Variants in XRN2 observed in about 807,000 individuals in gnomAD.
XRN2 encodes the protein 5'-3' exoribonuclease 2.
In XRN2, 44 loss-of-function variants were observed where a neutral mutation model predicts 138.5. That is an observed-to-expected ratio of 0.32 (90% CI 0.25 to 0.41). XRN2 has a LOEUF of 0.41. Among genes scored for constraint, XRN2 ranks in the 10% least tolerant of loss-of-function variants. XRN2 has a pLI of 1.00. For missense variants in XRN2, 937 were observed against 1,169.3 expected (o/e 0.80, Z 2.90); for synonymous variants, 354 against 369.4 (o/e 0.96, Z 0.48).
chr20:21,338,273 T>C (rs1353779817), intron 13 of XRN2, among the ~76,000 whole-genome samples: 1 of 152,098 alleles, frequency 6.6e-6, no homozygotes, highest in Non-Finnish European at 1.5e-5. Context: ...AACTTGGGCA[T>C]GGTTATGGGA....
chr20:21,344,347 G>A, intron 16 of XRN2, 139 bp downstream of exon 16: 1 of 657,884 alleles, frequency 1.5e-6, no homozygotes, highest in Non-Finnish European at 2.7e-6. Flanking sequence ...TAATGTGGAG[G>A]GTTAGAATAG....
chr20:21,363,449 A>G (rs112610576), intron 24 of XRN2, among the ~76,000 whole-genome samples: 1 of 152,104 alleles, frequency 6.6e-6, no homozygotes, highest in Admixed American at 6.5e-5. Context: ...ATACTTAACT[A>G]CCATTTTCTC....
intron 27 of XRN2, among the ~76,000 whole-genome samples, chr20:21,377,264 C>CTTTTTTCTTTTTTTTTTTT (rs1555788239): frequency 2.4e-5 from 2 of 82,782 alleles, no homozygotes; most frequent in African/African-American, 1.1e-4. Flanking sequence ...TCGGTTTTTT[C>CTTTTTTCTTTTTTTTTTTT]TTTTTTTTTT....
At chr20:21,310,808 G>A (rs947278020) in intron 1 of XRN2, among the ~76,000 whole-genome samples, 1 of 151,662 alleles carries the variant, frequency 6.6e-6, no homozygotes, top group Non-Finnish European at 1.5e-5. Context: ...GTAGTGGCGC[G>A]ATCTCGGCTC....
chr20:21,312,326 G>T (rs562472944), intron 1 of XRN2, among the ~76,000 whole-genome samples: 1 of 151,964 alleles, frequency 6.6e-6, no homozygotes, highest in Non-Finnish European at 1.5e-5. Flanking sequence ...GGGTTTCACC[G>T]TGTTAGCCAG....
At position 21,340,604 on chromosome 20, in the gene XRN2, G is replaced by C. The variant is rs1310339269; in HGVS notation, c.1279-117G>C. 8 of 1,157,760 alleles carry C rather than the reference G, an allele frequency of 6.9e-6. No homozygotes were observed. In the South Asian group the frequency reaches 1.1e-4, roughly 16 times the overall value. The allele number at this position is 1,157,760 out of a possible 1,614,324, so 71.7% of individuals were successfully genotyped here. On this transcript the variant is annotated intron_variant, in intron 14 of 29. Transcript: ENST00000377191. ...TTAACGAAGATCATTTGGTTTTTTA[G>C]TGAGTTTTGTAAAGTGCTTACAGTT...
intron 1 of XRN2, among the ~76,000 whole-genome samples, chr20:21,304,365 A>G (rs111840462): frequency 5.8e-4 from 81 of 139,536 alleles, no homozygotes; most frequent in African/African-American, 2.0e-3. Context: ...TTTTTTTTTT[A>G]ACTTTCTTGG....
intron 24 of XRN2, among the ~76,000 whole-genome samples, chr20:21,358,598 A>G (rs1568589538): frequency 6.6e-6 from 1 of 151,208 alleles, no homozygotes; most frequent in African/African-American, 2.4e-5. Flanking sequence ...AATATTTTAG[A>G]TTTTTTTTTA....
At chr20:21,321,535 G>T (rs1482822184) in intron 1 of XRN2, among the ~76,000 whole-genome samples, 2 of 151,780 alleles carry the variant, frequency 1.3e-5, no homozygotes, top group South Asian at 2.1e-4. Context: ...CCCCAGGCTG[G>T]CCTTGAACTC....
chr20:21,320,066 C>T lies in XRN2; in HGVS notation c.76-6213C>T, dbSNP rs144932155. Among the ~76,000 whole-genome samples the T allele has an allele frequency of 3.6e-3, 547 of 152,140 alleles. 5 individuals are homozygous for T. Among genetic ancestry groups the T allele is most frequent in the African/African-American group, 0.012 (491 of 41,532 alleles). ...TGTAACTTTATAGCTTGAAGAACTT[C>T]GTTTAGTAGTTTTTGACAGTGTGGT... is the stretch of plus-strand genomic sequence containing the variant. On this transcript the variant is annotated intron_variant, in intron 1 of 29. Transcript: ENST00000377191.
At chr20:21,378,382 T>C (rs935017838) in intron 27 of XRN2, among the ~76,000 whole-genome samples, 2 of 152,146 alleles carry the variant, frequency 1.3e-5, no homozygotes, top group Non-Finnish European at 2.9e-5. Context: ...TGAAGTGCCA[T>C]CTCAACCGAC....
chr20:21,353,233 T>G (rs1448071074), intron 20 of XRN2, among the ~76,000 whole-genome samples: 1 of 37,432 alleles, frequency 2.7e-5, no homozygotes, highest in African/African-American at 9.5e-5. Flanking sequence ...GATATATATA[T>G]ATATATATAT....
chr20:21,338,980 T>C, intron 13 of XRN2, 64 bp from the exon 14 acceptor site: 1 of 1,466,538 alleles, frequency 6.8e-7, no homozygotes, highest in Non-Finnish European at 9.5e-7. Context: ...TCATTCCTGG[T>C]AATGCTTAAC....
chr20:21,323,433 G>A (rs547253003), intron 1 of XRN2, among the ~76,000 whole-genome samples: 3 of 152,200 alleles, frequency 2.0e-5, no homozygotes, highest in Non-Finnish European at 4.4e-5. Flanking sequence ...AGGGTTCAGA[G>A]TGGCTCTCCT....
Position 21,328,493 on chromosome 20 carries a change from A to G in XRN2, c.316-66A>G, listed in dbSNP as rs187084534. 65 of 1,457,054 alleles carry G rather than the reference A, an allele frequency of 4.5e-5. No individual in the cohort carries two copies. In the East Asian group the frequency reaches 1.2e-3, roughly 26 times the overall value. 90.3% of individuals were successfully genotyped at this position (1,457,054 alleles called of 1,614,324 possible). ...TGCTTTTATAAGAACAACTGATTCAAAATAAGGTACAGATTTATTTGTGAA... is the reference window on the plus strand; with the variant it reads ...TGCTTTTATAAGAACAACTGATTCAGAATAAGGTACAGATTTATTTGTGAA... On this transcript the variant is annotated intron_variant, in intron 3 of 29. Coordinates refer to ENST00000377191, the MANE Select transcript of XRN2 (RefSeq NM_012255.5).
intron 24 of XRN2, among the ~76,000 whole-genome samples, chr20:21,359,961 G>GT (rs1285390801): frequency 5.9e-5 from 9 of 151,762 alleles, no homozygotes; most frequent in African/African-American, 2.2e-4. Flanking sequence ...TTGAGTTTAG[G>GT]TAAGTTCTTC....
At chr20:21,339,701 C>G (rs1329609702) in intron 14 of XRN2, among the ~76,000 whole-genome samples, 1 of 152,186 alleles carries the variant, frequency 6.6e-6, no homozygotes, top group Non-Finnish European at 1.5e-5. Context: ...ACAAGGCCTC[C>G]CTTCTTGGTT....
chr20:21,338,225 C>T (rs1297746833), intron 13 of XRN2, among the ~76,000 whole-genome samples: 1 of 152,136 alleles, frequency 6.6e-6, no homozygotes, highest in African/African-American at 2.4e-5. Flanking sequence ...TAGCTATGGC[C>T]ACCCTAGCTG....
chr20:21,348,286 T>G, intron 18 of XRN2, 33 bp downstream of exon 18: 1 of 1,612,038 alleles, frequency 6.2e-7, no homozygotes, highest in Non-Finnish European at 8.5e-7. Flanking sequence ...ATAAAGTTTA[T>G]AGAATTCTGG....
Sources: allele counts gnomAD v4.1 joint callset (sites outside exome capture counted in the v4.1 genomes callset), GRCh38; gene constraint gnomAD v4.1.1; transcripts MANE v1.5; gene names NCBI Gene and HGNC (gene_info 2026-07-23, HGNC 2026-07-21).